SDK1: variants seen among roughly 807,000 people sequenced by gnomAD.
The protein encoded by SDK1 is sidekick cell adhesion molecule 1.
In SDK1, 157 loss-of-function variants were observed where a neutral mutation model predicts 245.5. The observed-to-expected ratio is 0.64, with a 90% CI of 0.56 to 0.73. SDK1 has a LOEUF of 0.73. SDK1 is among the 30% of genes least tolerant of loss of function. The probability of loss-of-function intolerance (pLI) is 0.00; values close to 1 mark genes in which losing one functional copy is unlikely to be tolerated. For synonymous variants in SDK1, 1,647 were observed against 1,278.5 expected (o/e 1.29, Z -6.15); for missense variants, 3,583 against 3,002.3 (o/e 1.19, Z -4.52).
intron 5 of SDK1, among the ~76,000 whole-genome samples, chr7:3,830,233 A>T (rs1444920943): frequency 6.6e-6 from 1 of 152,124 alleles, no homozygotes; most frequent in Non-Finnish European, 1.5e-5. Context: ...GGTTCAGCAG[A>T]CGGACGATGA....
At chr7:3,384,934 G>A (rs2128568071) in intron 1 of SDK1, among the ~76,000 whole-genome samples, 1 of 152,276 alleles carries the variant, frequency 6.6e-6, no homozygotes, top group African/African-American at 2.4e-5. Flanking sequence ...CCAGTCTGTG[G>A]CATACGCCCT....
At chr7:3,664,739 CAAA>C (rs3083410) in intron 4 of SDK1, among the ~76,000 whole-genome samples, 17 of 123,538 alleles carry the variant, frequency 1.4e-4, no homozygotes, top group South Asian at 2.6e-4. Flanking sequence ...GACTCTGTCT[CAAA>C]AAAAAAAAAA....
At chr7:4,258,357 T>G (rs1450147845) in intron 44 of SDK1, among the ~76,000 whole-genome samples, 1 of 151,968 alleles carries the variant, frequency 6.6e-6, no homozygotes, top group Admixed American at 6.6e-5. Flanking sequence ...TGGGCAGGGG[T>G]GTACACAGGG....
intron 5 of SDK1, among the ~76,000 whole-genome samples, chr7:3,835,002 CT>C (rs1255159792): frequency 6.6e-6 from 1 of 152,152 alleles, no homozygotes; most frequent in Non-Finnish European, 1.5e-5. Flanking sequence ...GCCTTTAGTC[CT>C]TTGGTGCAAT....
At chr7:3,484,086 A>T (rs1432497943) in intron 1 of SDK1, among the ~76,000 whole-genome samples, 2 of 152,182 alleles carry the variant, frequency 1.3e-5, no homozygotes, top group Non-Finnish European at 2.9e-5. Context: ...TCTTGCAGCT[A>T]TTTAAGAAAT....
chr7:4,212,214 A>G (rs1328540629), intron 38 of SDK1, among the ~76,000 whole-genome samples: 1 of 151,816 alleles, frequency 6.6e-6, no homozygotes, highest in African/African-American at 2.4e-5. Context: ...GCACATTTAG[A>G]TGAAACGGAG....
chr7:3,595,090 G>T (rs1033941690), intron 1 of SDK1, among the ~76,000 whole-genome samples: 1 of 152,082 alleles, frequency 6.6e-6, no homozygotes, highest in African/African-American at 2.4e-5. Context: ...TTTCAGCAAC[G>T]CGTAGAAGAT....
At chr7:4,108,787 C>T (rs1783125352) in intron 22 of SDK1, among the ~76,000 whole-genome samples, 1 of 152,178 alleles carries the variant, frequency 6.6e-6, no homozygotes, top group Non-Finnish European at 1.5e-5. Context: ...ACATTTTTAT[C>T]ATGCCACAAA....
intron 4 of SDK1, among the ~76,000 whole-genome samples, chr7:3,694,720 C>T (rs1157756022): frequency 1.3e-5 from 2 of 152,086 alleles, no homozygotes; most frequent in Non-Finnish European, 2.9e-5. Flanking sequence ...GGCCACATCT[C>T]GAGTTTCTGA....
At position 3,645,105 on chromosome 7, in the gene SDK1, C is replaced by G. The variant is rs555448842; in HGVS notation, c.713+3000C>G. The stretch of plus-strand genomic sequence containing the variant: ...CTATATGCATGAGACAGCACTTATT[C>G]ACGAGTATGACAGGGTATAGAATGA... On this transcript the variant is annotated intron_variant, in intron 4 of 44. Transcript: ENST00000404826. Among the ~76,000 whole-genome samples, 275 of 152,284 alleles carry G rather than the reference C, an allele frequency of 1.8e-3. 2 individuals carry two copies. The highest frequency in any genetic ancestry group is 6.3e-3 in the African/African-American group (262 of 41,554).
chr7:3,975,859 G>A (rs923684134), intron 13 of SDK1, among the ~76,000 whole-genome samples: 2 of 152,192 alleles, frequency 1.3e-5, no homozygotes, highest in Non-Finnish European at 1.5e-5. Context: ...GAATCAGCCG[G>A]CGGCAGTGGT....
intron 40 of SDK1, among the ~76,000 whole-genome samples, chr7:4,228,803 G>A (rs1405441686): frequency 6.6e-6 from 1 of 152,178 alleles, no homozygotes; most frequent in African/African-American, 2.4e-5. Flanking sequence ...CTCCCAAAGT[G>A]CTGAGATTAC....
At chr7:3,869,243 C>T (rs1235858944) in intron 5 of SDK1, among the ~76,000 whole-genome samples, 2 of 151,062 alleles carry the variant, frequency 1.3e-5, no homozygotes. Flanking sequence ...GCAATCTCCA[C>T]CTCCCGGGTT....
chr7:3,872,651 T>G (rs1780985914), intron 5 of SDK1, among the ~76,000 whole-genome samples: 2 of 151,704 alleles, frequency 1.3e-5, no homozygotes, highest in Non-Finnish European at 2.9e-5. Context: ...TAGTTGTGCC[T>G]TCTCTTTTTT....
At position 4,091,319 on chromosome 7, in the gene SDK1, A is replaced by ATTTTC. The variant is rs71552330; in HGVS notation, c.3324+11750_3324+11754dup. Among the ~76,000 whole-genome samples the ATTTTC allele has an allele frequency of 1.4e-3, 140 of 99,122 alleles. 1 individual carries two copies. The highest frequency in any genetic ancestry group is 5.9e-3 in the Middle Eastern group (1 of 170). The allele number at this position is 99,122 out of a possible 152,430, so 65.0% of individuals were successfully genotyped here. ...TGGCTTAGATTTCTCCACATTTGCCATTTTCTTTTCTTTTCTTTTTTTTTT... is the reference window on the plus strand; with the variant it reads ...TGGCTTAGATTTCTCCACATTTGCCATTTTCTTTTCTTTTCTTTTCTTTTTTTTTT... On this transcript the variant is annotated intron_variant, in intron 22 of 44. Transcript: ENST00000404826.
intron 1 of SDK1, among the ~76,000 whole-genome samples, chr7:3,353,995 CTTTTTTTTTT>C (rs533694234): frequency 7.2e-6 from 1 of 139,102 alleles, no homozygotes; most frequent in African/African-American, 2.6e-5. Context: ...TTTTTCTTTT[CTTTTTTTTTT>C]TTTTTGGGAC....
At chr7:3,944,522 A>G (rs770927679) in intron 5 of SDK1, among the ~76,000 whole-genome samples, 4 of 152,252 alleles carry the variant, frequency 2.6e-5, no homozygotes, top group Non-Finnish European at 4.4e-5. Context: ...ATCATTGAGT[A>G]TTTGATGAGT....
At chr7:3,339,857 G>A (rs1485966989) in intron 1 of SDK1, among the ~76,000 whole-genome samples, 3 of 151,900 alleles carry the variant, frequency 2.0e-5, no homozygotes, top group Admixed American at 6.6e-5. Context: ...GCAGAACGAA[G>A]AGCAGAAGTC....
chr7:4,193,117 A>T (rs1356858563), intron 35 of SDK1, among the ~76,000 whole-genome samples: 11 of 134,642 alleles, frequency 8.2e-5, no homozygotes, highest in Non-Finnish European at 1.2e-4. Context: ...ATATATTAAA[A>T]TATATATAAT....
Sources: gnomAD v4.1 joint callset for allele counts (sites outside exome capture counted in the v4.1 genomes callset) on GRCh38, gnomAD v4.1.1 for gene constraint, MANE v1.5 for transcripts, NCBI Gene and HGNC (gene_info 2026-07-23, HGNC 2026-07-21) for gene names.